The following CFAP119 variants were observed in gnomAD, a reference collection of about 807,000 sequenced individuals.
CFAP119 encodes the protein cilia and flagella associated protein 119.
the CFAP119 span, chr16:30,759,774 C>T: frequency 2.6e-6 from 4 of 1,557,836 alleles, no homozygotes; most frequent in African/African-American, 4.1e-5. Flanking sequence ...GGTATCCATT[C>T]ATTCACTTCA....
chr16:30,759,207 G>A, the CFAP119 span: 1 of 1,614,176 alleles, frequency 6.2e-7, no homozygotes, highest in South Asian at 1.1e-5. Context: ...CAGTTTGGGT[G>A]GCTGTAGCCC....
chr16:30,761,466 T>A, the CFAP119 span: 1 of 1,518,906 alleles, frequency 6.6e-7, no homozygotes. Flanking sequence ...CGAACGTTAG[T>A]AAGCATAATG....
At chr16:30,759,185 A>T in the CFAP119 span, 1 of 1,613,732 alleles carries the variant, frequency 6.2e-7, no homozygotes, top group Non-Finnish European at 8.5e-7. Context: ...TACCCGTCTC[A>T]CTCTCTGGCC....
the CFAP119 span, chr16:30,760,462 G>A: frequency 6.2e-7 from 1 of 1,613,624 alleles, no homozygotes; most frequent in Non-Finnish European, 8.5e-7. Context: ...CCCTTGGGAG[G>A]GAGAGAGGAG....
At chr16:30,759,918 AAGAC>A in the CFAP119 span, 1 of 1,440,262 alleles carries the variant, frequency 6.9e-7, no homozygotes, top group East Asian at 2.5e-5. Flanking sequence ...GGCACTGAAC[AAGAC>A]AGACAAGGTC....
At chr16:30,757,957 C>G in the CFAP119 span, 1 of 479,902 alleles carries the variant, frequency 2.1e-6, no homozygotes, top group Non-Finnish European at 3.2e-6. Flanking sequence ...TGATACCTAG[C>G]ACATAGGATT....
chr16:30,761,701 C>T, the CFAP119 span: 15 of 1,533,690 alleles, frequency 9.8e-6, no homozygotes, highest in African/African-American at 1.8e-4. Flanking sequence ...GTTCAAGCTC[C>T]GACTGCACCC....
At chr16:30,761,944 T>C in the CFAP119 span, 1 of 597,510 alleles carries the variant, frequency 1.7e-6, no homozygotes, top group South Asian at 2.2e-5. Flanking sequence ...CCAAGGGGGC[T>C]TGTGAGGGAA....
the CFAP119 span, chr16:30,759,950 AT>A: frequency 1.4e-6 from 2 of 1,443,842 alleles, no homozygotes; most frequent in Non-Finnish European, 1.8e-6. Flanking sequence ...TACGAAGCTT[AT>A]ATTCTAGGGG....
At chr16:30,760,665 C>T in the CFAP119 span, 2 of 1,540,946 alleles carry the variant, frequency 1.3e-6, no homozygotes, top group Non-Finnish European at 1.7e-6. Context: ...CGTCCAGGTA[C>T]TTCCTGTTAT....
At chr16:30,758,925 A>G in the CFAP119 span, 51 of 1,546,892 alleles carry the variant, frequency 3.3e-5, no homozygotes, top group South Asian at 4.4e-4. Flanking sequence ...ACTAAAAACA[A>G]AAAGTCTGAA....
At chr16:30,759,218 C>T in the CFAP119 span, 2 of 1,614,200 alleles carry the variant, frequency 1.2e-6, no homozygotes, top group Non-Finnish European at 8.5e-7. Flanking sequence ...GCTGTAGCCC[C>T]ATGTAAGTCA....
chr16:30,760,933 G>A, the CFAP119 span: 3 of 609,986 alleles, frequency 4.9e-6, no homozygotes, highest in Non-Finnish European at 8.7e-6. Flanking sequence ...AGTACTCCCT[G>A]TGGCCCTCAG....
the CFAP119 span, chr16:30,760,357 G>C: frequency 1.9e-6 from 3 of 1,614,228 alleles, no homozygotes; most frequent in Middle Eastern, 1.6e-4. Context: ...AGCCCTGCTG[G>C]CGGCAGAAAA....
chr16:30,760,104 AT>A, the CFAP119 span: 1 of 1,540,246 alleles, frequency 6.5e-7, no homozygotes, highest in South Asian at 1.2e-5. Flanking sequence ...TGTGTGCTGT[AT>A]CCTTAATTTC....
At chr16:30,760,343 G>A in the CFAP119 span, 1 of 1,614,226 alleles carries the variant, frequency 6.2e-7, no homozygotes, top group Non-Finnish European at 8.5e-7. Context: ...CTGCTCCAGT[G>A]AGAAGCCCTG....
At chr16:30,760,726 G>A in the CFAP119 span, 2 of 1,469,054 alleles carry the variant, frequency 1.4e-6, no homozygotes, top group Non-Finnish European at 1.9e-6. Context: ...ACAAGGCTGT[G>A]ACAGCTAGTG....
At chr16:30,761,520 G>A in the CFAP119 span, 6 of 1,535,532 alleles carry the variant, frequency 3.9e-6, no homozygotes, top group Non-Finnish European at 4.4e-6. Flanking sequence ...ATATTCACGA[G>A]CAGACCAGAC....
the CFAP119 span, chr16:30,760,306 C>A: frequency 6.2e-7 from 1 of 1,614,186 alleles, no homozygotes; most frequent in Non-Finnish European, 8.5e-7. Context: ...TGTGAAGATC[C>A]TGGAGCAGGG....
Sources: gnomAD v4.1 joint callset for allele counts on GRCh38, gnomAD v4.1.1 for gene constraint, MANE v1.5 for transcripts, NCBI Gene and HGNC (gene_info 2026-07-23, HGNC 2026-07-21) for gene names.